The following MACROD2 variants were observed in gnomAD, a reference collection of about 807,000 sequenced individuals.
MACROD2 encodes the protein ADP-ribose glycohydrolase MACROD2.
MACROD2 carries 36 observed loss-of-function variants against 70.4 expected under a neutral mutation model. The observed-to-expected ratio is 0.51, with a 90% confidence interval of 0.39 to 0.68. The LOEUF is 0.68. Among genes scored for constraint, MACROD2 ranks in the 30% least tolerant of loss-of-function variants. MACROD2 has a pLI of 0.00. For synonymous variants in MACROD2, 172 were observed against 178.8 expected, an observed-to-expected ratio of 0.96 and a Z score of 0.30; for missense variants, 496 against 538.4, an observed-to-expected ratio of 0.92 and a Z score of 0.78.
intron 3 of MACROD2, among the ~76,000 whole-genome samples, chr20:14,456,873 C>A (rs139629238): frequency 6.6e-6 from 1 of 151,364 alleles, no homozygotes; most frequent in Non-Finnish European, 1.5e-5. Flanking sequence ...CCCACCACCA[C>A]GCCCGGCCAA....
intron 3 of MACROD2, among the ~76,000 whole-genome samples, chr20:14,276,172 G>A (rs2082253420): frequency 6.6e-6 from 1 of 152,076 alleles, no homozygotes; most frequent in South Asian, 2.1e-4. Flanking sequence ...AAAGACACAT[G>A]CACGCGTATG....
intron 6 of MACROD2, among the ~76,000 whole-genome samples, chr20:15,399,236 C>T (rs2045898721): frequency 6.6e-6 from 1 of 151,690 alleles, no homozygotes; most frequent in Admixed American, 6.6e-5. Flanking sequence ...CAGTCACCCT[C>T]CTTCTACACC....
In MACROD2 at chr20:15,149,885, T is replaced by C. The variant is rs1248938245; in HGVS notation, c.419-80055T>C. ...AGGGTGGGGACAGTCTCTAAAGCTGTCTTCAAGGAATGGAAAGATGAGTGG... is the reference window on the plus strand; with the variant it reads ...AGGGTGGGGACAGTCTCTAAAGCTGCCTTCAAGGAATGGAAAGATGAGTGG... On this transcript the variant is annotated intron_variant, in intron 5 of 17. Transcript: ENST00000684519. Among the ~76,000 whole-genome samples the C allele has an allele frequency of 2.6e-5, 4 of 152,016 alleles. 1 individual carries two copies. Among genetic ancestry groups the C allele is most frequent in the African/African-American group, 9.7e-5 (4 of 41,314 alleles).
chr20:15,705,428 A>G (rs114167772), intron 8 of MACROD2, among the ~76,000 whole-genome samples: 3,475 of 149,770 alleles, frequency 0.023, 141 homozygotes, highest in African/African-American at 0.081. Flanking sequence ...GCCCCAAAGC[A>G]TTTTTTTTTT....
intron 8 of MACROD2, among the ~76,000 whole-genome samples, chr20:15,859,759 CT>C (rs10710498): frequency 0.58 from 83,608 of 143,726 alleles, 26,813 homozygotes; most frequent in Non-Finnish European, 0.74. Flanking sequence ...CATCCCCGCG[CT>C]TTTTTTTTTT....
chr20:15,915,018 C>T (rs111810021), intron 10 of MACROD2, among the ~76,000 whole-genome samples: 1,746 of 152,240 alleles, frequency 0.011, 36 homozygotes, highest in African/African-American at 0.04. Flanking sequence ...GTCCCAAGCG[C>T]GGGAGCTTCT....
At chr20:14,432,534 A>C (rs1353237234) in intron 3 of MACROD2, among the ~76,000 whole-genome samples, 1 of 152,152 alleles carries the variant, frequency 6.6e-6, no homozygotes, top group East Asian at 1.9e-4. Context: ...TAACTTATAA[A>C]AGTAGTATTC....
chr20:15,705,061 C>T (rs1489108282), intron 8 of MACROD2, among the ~76,000 whole-genome samples: 1 of 152,168 alleles, frequency 6.6e-6, no homozygotes, highest in African/African-American at 2.4e-5. Context: ...TCTATTATTA[C>T]TTCCCCAAGT....
intron 7 of MACROD2, among the ~76,000 whole-genome samples, chr20:15,438,594 A>T (rs976674023): frequency 5.4e-5 from 8 of 149,510 alleles, no homozygotes; most frequent in African/African-American, 2.0e-4. Context: ...TTCCTTAGGT[A>T]TGCCAACCCT....
intron 8 of MACROD2, among the ~76,000 whole-genome samples, chr20:15,597,896 T>C (rs2048766994): frequency 6.6e-6 from 1 of 152,144 alleles, no homozygotes; most frequent in South Asian, 2.1e-4. Context: ...CTGGCCAACA[T>C]GGCAAAAACC....
chr20:15,524,741 C>T (rs1023011546), intron 8 of MACROD2, among the ~76,000 whole-genome samples: 6 of 152,078 alleles, frequency 3.9e-5, no homozygotes, highest in Admixed American at 1.3e-4. Flanking sequence ...TGCACTATAC[C>T]GTTCCTTGAG....
chr20:15,094,834 G>C (rs2075816976), intron 5 of MACROD2, among the ~76,000 whole-genome samples: 1 of 152,062 alleles, frequency 6.6e-6, no homozygotes, highest in Non-Finnish European at 1.5e-5. Flanking sequence ...TAAGGTTATT[G>C]ATACTGGCAT....
At chr20:15,637,685 C>A (rs1177734072) in intron 8 of MACROD2, among the ~76,000 whole-genome samples, 1 of 152,178 alleles carries the variant, frequency 6.6e-6, no homozygotes, top group Non-Finnish European at 1.5e-5. Flanking sequence ...AATTAGGGAT[C>A]AGCACCTTCT....
rs899654691 is a variant in MACROD2, at chr20:14,438,406, C to A, written c.272-55073C>A. On this transcript the variant is annotated intron_variant, in intron 3 of 17. Transcript: ENST00000684519. ...TGCCAATGTTTCTCTGTCATAATGA[C>A]TTCCTGTGCTATTAATATATACCCA... Among the ~76,000 whole-genome samples the A allele has an allele frequency of 1.3e-5, 2 of 152,158 alleles. 1 individual carries two copies. The highest frequency in any genetic ancestry group is 2.9e-5 in the Non-Finnish European group (2 of 68,026).
chr20:14,169,502 C>G (rs1156271356), intron 3 of MACROD2, among the ~76,000 whole-genome samples: 1 of 151,814 alleles, frequency 6.6e-6, no homozygotes, highest in South Asian at 2.1e-4. Flanking sequence ...TGGGGTTTCT[C>G]CATGTTGGTC....
chr20:14,000,855 C>A (rs2052725152), intron 1 of MACROD2, among the ~76,000 whole-genome samples: 3 of 152,196 alleles, frequency 2.0e-5, no homozygotes, highest in Non-Finnish European at 4.4e-5. Context: ...GCATACAAGT[C>A]CCTGTACAGT....
At chr20:16,045,109 GT>G (rs2067361924) in intron 17 of MACROD2, among the ~76,000 whole-genome samples, 1 of 152,044 alleles carries the variant, frequency 6.6e-6, no homozygotes, top group African/African-American at 2.4e-5. Context: ...CTTAGGTCCT[GT>G]TTTTTTCACA....
At chr20:14,581,464 A>G (rs752931734) in intron 4 of MACROD2, among the ~76,000 whole-genome samples, 53 of 152,214 alleles carry the variant, frequency 3.5e-4, no homozygotes, top group Admixed American at 5.9e-4. Context: ...GGCCTTTTAA[A>G]AAACACACTG....
At chr20:15,526,097 C>T (rs1284841996) in intron 8 of MACROD2, among the ~76,000 whole-genome samples, 2 of 152,114 alleles carry the variant, frequency 1.3e-5, no homozygotes, top group African/African-American at 4.8e-5. Context: ...GGATGTACGG[C>T]ATTACTGTAA....
Sources: gnomAD v4.1 joint callset for allele counts (sites outside exome capture counted in the v4.1 genomes callset) on GRCh38, gnomAD v4.1.1 for gene constraint, MANE v1.5 for transcripts, NCBI Gene and HGNC (gene_info 2026-07-23, HGNC 2026-07-21) for gene names.